SEMA3E: variants seen among roughly 807,000 people sequenced by gnomAD.
The protein encoded by SEMA3E is semaphorin 3E.
In SEMA3E, 49 loss-of-function variants were observed where a neutral mutation model predicts 93.6. That is an observed-to-expected ratio of 0.52 (90% CI 0.42 to 0.66). SEMA3E has a LOEUF of 0.66. Among genes scored for constraint, SEMA3E ranks in the 30% least tolerant of loss-of-function variants. The probability of loss-of-function intolerance (pLI) is 0.00; values close to 1 mark genes in which losing one functional copy is unlikely to be tolerated. For synonymous variants in SEMA3E, 363 were observed against 330.7 expected (o/e 1.10, Z -1.06); for missense variants, 906 against 964.8 (o/e 0.94, Z 0.81).
In SEMA3E at chr7:83,476,253, G is replaced by A. The variant is rs117539516; in HGVS notation, c.277-6951C>T. Reference sequence around the variant, plus strand: ...GATTACAGTAAAGTTTGAGAAATCAGGTTCATTGACATGAAAATGCTGTAA... The same window carrying A: ...GATTACAGTAAAGTTTGAGAAATCAAGTTCATTGACATGAAAATGCTGTAA... On this transcript the variant is annotated intron_variant, in intron 2 of 16. Coordinates refer to ENST00000643230, the MANE Select transcript of SEMA3E (RefSeq NM_012431.3). 3.4e-4 allele frequency among the ~76,000 whole-genome samples: 51 copies of A among 152,234 alleles called. 1 individual carries two copies. In the East Asian group the frequency reaches 9.5e-3, roughly 28 times the overall value.
chr7:83,445,455 C>T (rs770899149), intron 4 of SEMA3E, among the ~76,000 whole-genome samples: 59 of 152,170 alleles, frequency 3.9e-4, no homozygotes, highest in Admixed American at 9.8e-4. Context: ...CGGTGGCTCA[C>T]GCCTGTAATC....
chr7:83,461,561 A>G (rs1368166737), intron 4 of SEMA3E, among the ~76,000 whole-genome samples: 6 of 152,174 alleles, frequency 3.9e-5, no homozygotes, highest in Non-Finnish European at 7.3e-5. Flanking sequence ...ATCCCAAATC[A>G]GATAGCGTTT....
intron 1 of SEMA3E, among the ~76,000 whole-genome samples, chr7:83,642,068 A>G (rs1486881080): frequency 6.6e-6 from 1 of 152,172 alleles, no homozygotes; most frequent in Non-Finnish European, 1.5e-5. Flanking sequence ...CGAATGTAAG[A>G]GTGTTTTCTA....
In SEMA3E at chr7:83,407,091, C is replaced by T. The variant is rs745937682; in HGVS notation, c.813+6G>A. The T allele has an allele frequency of 1.2e-6, 2 of 1,613,184 alleles. No homozygotes were observed. Among genetic ancestry groups the T allele is most frequent in the Non-Finnish European group, 1.7e-6 (2 of 1,179,680 alleles). ...TAAGCAAGCATAATGAGAGAGAAAG[C>T]CTCACCACACAGAGTCGCCCGACCC... On this transcript the variant is annotated splice_donor_region_variant and intron_variant, in intron 7 of 16. Coordinates refer to ENST00000643230, the MANE Select transcript of SEMA3E (RefSeq NM_012431.3).
intron 2 of SEMA3E, among the ~76,000 whole-genome samples, chr7:83,481,713 G>A (rs996664733): frequency 2.6e-5 from 4 of 152,224 alleles, no homozygotes; most frequent in African/African-American, 9.6e-5. Flanking sequence ...TGATCACATG[G>A]TCTGGGAAAT....
intron 16 of SEMA3E, among the ~76,000 whole-genome samples, chr7:83,384,296 T>C (rs893763360): frequency 1.3e-5 from 2 of 152,088 alleles, no homozygotes; most frequent in African/African-American, 4.8e-5. Context: ...AAATGTTTAG[T>C]CTGCAGTGCC....
intron 1 of SEMA3E, among the ~76,000 whole-genome samples, chr7:83,597,510 C>G (rs1792900890): frequency 6.6e-6 from 1 of 152,134 alleles, no homozygotes; most frequent in Non-Finnish European, 1.5e-5. Flanking sequence ...ACTATCTTAA[C>G]TGTGTCTTTC....
chr7:83,397,413 A>G (rs541066693), intron 11 of SEMA3E, among the ~76,000 whole-genome samples: 71 of 152,226 alleles, frequency 4.7e-4, no homozygotes, highest in Non-Finnish European at 9.4e-4. Context: ...TTATGGTACG[A>G]AACTATACCT....
chr7:83,538,376 T>C (rs1791448966), intron 1 of SEMA3E, among the ~76,000 whole-genome samples: 1 of 152,190 alleles, frequency 6.6e-6, no homozygotes, highest in South Asian at 2.1e-4. Flanking sequence ...ATTCTAATGA[T>C]TATAGCAGGC....
intron 1 of SEMA3E, among the ~76,000 whole-genome samples, chr7:83,559,837 G>A (rs555669441): frequency 6.6e-6 from 1 of 152,120 alleles, no homozygotes; most frequent in South Asian, 2.1e-4. Context: ...CAGTAGATGA[G>A]TGGATAAAAT....
rs564114728 is a variant in SEMA3E, at chr7:83,627,200, C to G, written c.115+21228G>C. ...TTCTGTTGATTTGGAGTGGAGTGTT[C>G]TGTAGATGTCTATCAGGTCCACTTG... is the stretch of plus-strand genomic sequence containing the variant. On this transcript the variant is annotated intron_variant, in intron 1 of 16. Transcript: ENST00000643230. Among the ~76,000 whole-genome samples the G allele has an allele frequency of 2.7e-4, 41 of 152,204 alleles. 1 individual carries two copies. Among genetic ancestry groups the G allele is most frequent in the Non-Finnish European group, 1.2e-4 (8 of 68,020 alleles).
intron 1 of SEMA3E, among the ~76,000 whole-genome samples, chr7:83,648,164 C>T (rs1485161054): frequency 1.3e-5 from 2 of 152,012 alleles, no homozygotes; most frequent in African/African-American, 4.8e-5. Context: ...GAGTGAACTC[C>T]TTATTGATAA....
chr7:83,464,801 A>G (rs1364008909), intron 4 of SEMA3E, among the ~76,000 whole-genome samples: 1 of 143,888 alleles, frequency 6.9e-6, no homozygotes, highest in African/African-American at 2.5e-5. Flanking sequence ...CTAGGTTCCC[A>G]CGCCGCCCCT....
At chr7:83,410,032 T>TA in intron 5 of SEMA3E, among the ~76,000 whole-genome samples, 1 of 151,742 alleles carries the variant, frequency 6.6e-6, no homozygotes, top group East Asian at 1.9e-4. Context: ...ACTCAAAGAT[T>TA]AAAAAAATAA....
intron 4 of SEMA3E, among the ~76,000 whole-genome samples, chr7:83,452,263 C>T (rs1427512641): frequency 6.6e-6 from 1 of 152,052 alleles, no homozygotes; most frequent in Non-Finnish European, 1.5e-5. Flanking sequence ...GCAAAGATGG[C>T]TTTGGAGCAT....
intron 14 of SEMA3E, among the ~76,000 whole-genome samples, chr7:83,388,684 T>G (rs1023901648): frequency 6.6e-6 from 1 of 152,154 alleles, no homozygotes; most frequent in African/African-American, 2.4e-5. Flanking sequence ...TGAACCAGAT[T>G]CAATTCCCAA....
intron 1 of SEMA3E, among the ~76,000 whole-genome samples, chr7:83,512,638 A>T (rs1033904473): frequency 6.6e-6 from 1 of 152,216 alleles, no homozygotes; most frequent in Non-Finnish European, 1.5e-5. Flanking sequence ...AAAGCCTAAA[A>T]TACGTCAAGT....
chr7:83,590,386 A>AT (rs964199780), intron 1 of SEMA3E, among the ~76,000 whole-genome samples: 15 of 152,282 alleles, frequency 9.9e-5, no homozygotes, highest in African/African-American at 3.6e-4. Context: ...GAGCGTAAAT[A>AT]TATTTGATGA....
intron 1 of SEMA3E, among the ~76,000 whole-genome samples, chr7:83,621,936 G>C (rs2115632995): frequency 6.6e-6 from 1 of 152,226 alleles, no homozygotes; most frequent in Non-Finnish European, 1.5e-5. Context: ...GCATGGCAAA[G>C]AATTCATGAT....
Sources: gnomAD v4.1 joint callset for allele counts (sites outside exome capture counted in the v4.1 genomes callset) on GRCh38, gnomAD v4.1.1 for gene constraint, MANE v1.5 for transcripts, NCBI Gene and HGNC (gene_info 2026-07-23, HGNC 2026-07-21) for gene names.